The following KIAA2012 variants were observed in gnomAD, a reference collection of about 807,000 sequenced individuals.
The protein encoded by KIAA2012 is KIAA2012.
In KIAA2012, 125 loss-of-function variants were observed where a neutral mutation model predicts 150.6. The observed-to-expected ratio is 0.83, with a 90% CI of 0.72 to 0.96. The LOEUF (loss-of-function observed/expected upper bound fraction) is 0.96. Ranked by LOEUF, KIAA2012 falls within the 40% of genes least tolerant of loss-of-function variation. The probability of loss-of-function intolerance (pLI) is 0.00; values close to 1 mark genes in which losing one functional copy is unlikely to be tolerated. For synonymous variants in KIAA2012, 462 were observed against 504.7 expected (o/e 0.92, Z 1.13); for missense variants, 1,219 against 1,354.9 (o/e 0.90, Z 1.57).
At chr2:202,086,841 T>C (rs1689582018) in intron 2 of KIAA2012, among the ~76,000 whole-genome samples, 1 of 152,224 alleles carries the variant, frequency 6.6e-6, no homozygotes, top group Admixed American at 6.5e-5. Context: ...TTGGGCTCAC[T>C]TGATGTGATT....
chr2:202,203,598 G>A (rs1279715617), intron 23 of KIAA2012, among the ~76,000 whole-genome samples: 1 of 152,196 alleles, frequency 6.6e-6, no homozygotes, highest in Non-Finnish European at 1.5e-5. Context: ...ACCGGCTACT[G>A]TATTGGAAAG....
intron 23 of KIAA2012, among the ~76,000 whole-genome samples, chr2:202,204,069 GTT>G (rs1341441894): frequency 1.2e-5 from 1 of 82,042 alleles, no homozygotes; most frequent in African/African-American, 4.5e-5. Flanking sequence ...GCACCCAGCG[GTT>G]TTTTGTTTTT....
chr2:202,185,506 G>T (rs1476801461), intron 16 of KIAA2012, among the ~76,000 whole-genome samples: 1 of 152,150 alleles, frequency 6.6e-6, no homozygotes, highest in African/African-American at 2.4e-5. Flanking sequence ...AATAAAGGGG[G>T]AAAGGCACTT....
At chr2:202,183,344 C>G (rs1692158749) in intron 15 of KIAA2012, among the ~76,000 whole-genome samples, 1 of 147,394 alleles carries the variant, frequency 6.8e-6, no homozygotes, top group African/African-American at 2.5e-5. Flanking sequence ...TGGTTGAGCC[C>G]AAGAAGCTGA....
intron 11 of KIAA2012, among the ~76,000 whole-genome samples, chr2:202,121,351 A>G (rs749893842): frequency 2.6e-5 from 4 of 152,238 alleles, no homozygotes; most frequent in Non-Finnish European, 4.4e-5. Flanking sequence ...ATCTGCCAAC[A>G]TACTTCACAT....
chr2:202,162,790 C>T (rs1199342696), intron 14 of KIAA2012, among the ~76,000 whole-genome samples: 7 of 151,098 alleles, frequency 4.6e-5, no homozygotes, highest in Non-Finnish European at 1.0e-4. Context: ...ATTAGCTGGG[C>T]GTGGTGGCGG....
intron 15 of KIAA2012, among the ~76,000 whole-genome samples, chr2:202,180,128 G>A (rs1253899720): frequency 2.0e-5 from 3 of 152,040 alleles, no homozygotes; most frequent in Non-Finnish European, 4.4e-5. Flanking sequence ...AAAATTAGCC[G>A]GGCATGGTGG....
intron 12 of KIAA2012, chr2:202,138,032 G>A (rs1331449952): frequency 6.3e-6 from 1 of 158,220 alleles, no homozygotes. Flanking sequence ...GAAGTTTGCA[G>A]AAGCCTTTTC....
intron 23 of KIAA2012, among the ~76,000 whole-genome samples, chr2:202,203,860 C>T (rs1258904444): frequency 6.6e-6 from 1 of 151,688 alleles, no homozygotes; most frequent in Non-Finnish European, 1.5e-5. Flanking sequence ...AGCTTCGCCT[C>T]CCGGGTTCAC....
rs1012449160 is a variant in KIAA2012 at position 202,102,827 on chromosome 2, C to T, written c.1156-119C>T. On this transcript the variant is annotated intron_variant, in intron 7 of 23. Coordinates refer to ENST00000498697, the MANE Select transcript of KIAA2012 (RefSeq NM_001277372.4). ...AGATACCGGCTCCCAGCTGGATTAG[C>T]TTACCTCTCTCAGCAGCTCCTGGTG... 5.0e-6 allele frequency: 5 copies of T among 991,762 alleles called. 1 individual carries two copies. The South Asian group carries it at 7.0e-5, about 14-fold the overall frequency. 61.4% of individuals were successfully genotyped at this position (991,762 alleles called of 1,614,324 possible). A position where few individuals can be genotyped will look rare whatever the true frequency, so the allele number is the denominator to read the frequency against.
chr2:202,133,130 A>ATATATTTTTTTTTTTTTTTT (rs1279080237), intron 12 of KIAA2012, among the ~76,000 whole-genome samples: 1 of 67,776 alleles, frequency 1.5e-5, no homozygotes, highest in Non-Finnish European at 2.9e-5. Flanking sequence ...ATATATATAT[A>ATATATTTTTTTTTTTTTTTT]TTTTTTTTTT....
At chr2:202,128,493 A>G (rs1690850005) in intron 12 of KIAA2012, among the ~76,000 whole-genome samples, 1 of 151,184 alleles carries the variant, frequency 6.6e-6, no homozygotes, top group Non-Finnish European at 1.5e-5. Context: ...ACTGGTCTCC[A>G]ACTTCTGGGC....
intron 15 of KIAA2012, among the ~76,000 whole-genome samples, chr2:202,165,959 C>T (rs1691750536): frequency 2.6e-5 from 4 of 152,184 alleles, no homozygotes; most frequent in Non-Finnish European, 5.9e-5. Context: ...TGAGCTCTTA[C>T]CACCTCCATT....
intron 22 of KIAA2012, chr2:202,197,317 C>G (rs1353717700): frequency 4.6e-6 from 2 of 439,438 alleles, no homozygotes; most frequent in South Asian, 2.6e-5. Flanking sequence ...CACAGACAAA[C>G]AGTGACTTAG....
At chr2:202,125,161 A>G in intron 11 of KIAA2012, 53 bp from the exon 12 acceptor site, 3 of 1,430,266 alleles carry the variant, frequency 2.1e-6, no homozygotes, top group Non-Finnish European at 2.9e-6. Context: ...AAGGGAATAA[A>G]TTTTTACAAG....
chr2:202,162,928 CAAAAA>C (rs530486463), intron 14 of KIAA2012, among the ~76,000 whole-genome samples: 4 of 90,214 alleles, frequency 4.4e-5, no homozygotes, highest in Admixed American at 1.2e-4. Flanking sequence ...GACTCCGTCT[CAAAAA>C]AAAAAAAAAA....
At chr2:202,133,630 G>A (rs555301222) in intron 12 of KIAA2012, among the ~76,000 whole-genome samples, 1 of 152,296 alleles carries the variant, frequency 6.6e-6, no homozygotes, top group African/African-American at 2.4e-5. Context: ...AGAGCTCCCA[G>A]GGGGATGTCT....
At chr2:202,187,536 A>C (rs1692252182) in intron 17 of KIAA2012, among the ~76,000 whole-genome samples, 1 of 152,178 alleles carries the variant, frequency 6.6e-6, no homozygotes, top group Non-Finnish European at 1.5e-5. Context: ...CGAACTCCTG[A>C]CCTCAAGTGA....
intron 17 of KIAA2012, 143 bp from the exon 18 acceptor site, chr2:202,188,009 A>AG: frequency 1.6e-6 from 1 of 622,110 alleles, no homozygotes. Flanking sequence ...GCATTCTCTA[A>AG]GATTCACTCT....
Sources: allele counts gnomAD v4.1 joint callset (sites outside exome capture counted in the v4.1 genomes callset), GRCh38; gene constraint gnomAD v4.1.1; transcripts MANE v1.5; gene names NCBI Gene and HGNC (gene_info 2026-07-23, HGNC 2026-07-21).